MAPRE3: variants seen among roughly 807,000 people sequenced by gnomAD.
MAPRE3 encodes microtubule-associated protein RP/EB family member 3.
In MAPRE3, 2 loss-of-function variants were observed where a neutral mutation model predicts 30.5. That is an observed-to-expected ratio of 0.07 (90% confidence interval 0.03 to 0.21). MAPRE3 has a LOEUF of 0.21. Among genes scored for constraint, MAPRE3 ranks in the 10% least tolerant of loss-of-function variants. MAPRE3 has a pLI of 1.00. For missense variants in MAPRE3, 204 were observed against 351.8 expected (o/e 0.58, Z 3.36); for synonymous variants, 110 against 127.7 (o/e 0.86, Z 0.93).
At chr2:26,974,303 T>C (rs1665973177) in intron 1 of MAPRE3, among the ~76,000 whole-genome samples, 1 of 152,234 alleles carries the variant, frequency 6.6e-6, no homozygotes, top group Admixed American at 6.5e-5. Context: ...CAGGCAAAAT[T>C]TTGTGTCAAA....
intron 1 of MAPRE3, among the ~76,000 whole-genome samples, chr2:26,982,370 A>T (rs961555332): frequency 6.6e-6 from 1 of 152,274 alleles, no homozygotes; most frequent in African/African-American, 2.4e-5. Flanking sequence ...AGTCAGGTGC[A>T]GGAGTCAACC....
At chr2:27,020,777 T>A (rs1667093743) in intron 1 of MAPRE3, among the ~76,000 whole-genome samples, 1 of 151,994 alleles carries the variant, frequency 6.6e-6, no homozygotes. Flanking sequence ...GGACTTGAAG[T>A]GGGGGAGGGC....
At chr2:27,002,002 G>GT (rs1393162670) in intron 1 of MAPRE3, 3 of 152,272 alleles carry the variant, frequency 2.0e-5, no homozygotes, top group Non-Finnish European at 4.4e-5. Context: ...TAGTGGAACA[G>GT]CTCAAGGACG....
rs766587642 is a variant in MAPRE3 at position 27,015,297 on chromosome 2, T to G, written c.-7-6915T>G. On this transcript the variant is annotated intron_variant, in intron 1 of 6. Coordinates refer to ENST00000233121, the MANE Select transcript of MAPRE3 (RefSeq NM_012326.4). The surrounding 1 kb of genome is among the most constrained non-coding windows in gnomAD (Gnocchi z 4.0). The stretch of plus-strand genomic sequence containing the variant: ...CAGCACTGTGTACACATGGCTCACT[T>G]AATCCTCATAACTGTTCTGTGAGGT... Among the ~76,000 whole-genome samples, 10 of 152,360 alleles carry G rather than the reference T, an allele frequency of 6.6e-5. No homozygotes were observed. Among genetic ancestry groups the G allele is most frequent in the Non-Finnish European group, 1.3e-4 (9 of 68,034 alleles).
At chr2:27,014,839 T>G (rs1283067348) in intron 1 of MAPRE3, 1 of 152,298 alleles carries the variant, frequency 6.6e-6, no homozygotes, top group Admixed American at 6.5e-5. Flanking sequence ...TCCAAACAGG[T>G]GACTTCAGCC....
chr2:27,016,862 T>C (rs1346871926), intron 1 of MAPRE3, among the ~76,000 whole-genome samples: 2 of 152,090 alleles, frequency 1.3e-5, no homozygotes, highest in Non-Finnish European at 2.9e-5. Context: ...ACTGTGGTTT[T>C]AGGGGATACG....
In MAPRE3 at chr2:26,973,623, C is replaced by T. The variant is rs1665957571; in HGVS notation, c.-8+2821C>T. On this transcript the variant is annotated intron_variant, in intron 1 of 6. Coordinates refer to ENST00000233121, the MANE Select transcript of MAPRE3 (RefSeq NM_012326.4). Reference sequence around the variant, plus strand: ...ACTGCGGACTGCAGTGGCGCAATCTCGGCTCACTGCAAGCTCCGCTTCCCG... The same window carrying T: ...ACTGCGGACTGCAGTGGCGCAATCTTGGCTCACTGCAAGCTCCGCTTCCCG... 2.6e-5 allele frequency among the ~76,000 whole-genome samples: 4 copies of T among 151,082 alleles called. No homozygotes were observed. The South Asian group carries it at 6.3e-4, about 24-fold the overall frequency.
intron 4 of MAPRE3, among the ~76,000 whole-genome samples, chr2:27,025,249 G>T (rs527279258): frequency 6.6e-6 from 1 of 152,116 alleles, no homozygotes; most frequent in Non-Finnish European, 1.5e-5. Context: ...AGAGGGTCCC[G>T]CACCCTTCCA....
chr2:27,004,586 C>T (rs1478479738), intron 1 of MAPRE3, among the ~76,000 whole-genome samples: 2 of 152,112 alleles, frequency 1.3e-5, no homozygotes, highest in African/African-American at 4.8e-5. Flanking sequence ...TCCTGAGTTA[C>T]AGGCATGCGC....
At chr2:26,979,714 T>C (rs1034248982) in intron 1 of MAPRE3, among the ~76,000 whole-genome samples, 3 of 152,102 alleles carry the variant, frequency 2.0e-5, no homozygotes, top group Non-Finnish European at 4.4e-5. Context: ...AGCAAAGGAA[T>C]GGCCGTGGGA....
intron 1 of MAPRE3, among the ~76,000 whole-genome samples, chr2:27,008,768 T>G (rs1666784451): frequency 1.3e-5 from 2 of 152,186 alleles, no homozygotes; most frequent in African/African-American, 4.8e-5. Flanking sequence ...AGGGTGTATT[T>G]GTAATCACCC....
chr2:26,973,068 C>T (rs982519279), intron 1 of MAPRE3, among the ~76,000 whole-genome samples: 3 of 152,126 alleles, frequency 2.0e-5, no homozygotes, highest in Non-Finnish European at 4.4e-5. Context: ...TAAGACACAC[C>T]AGCAATTTAC....
In MAPRE3 at chr2:27,026,093, G is replaced by A. The variant is rs571445402; in HGVS notation, c.777+61G>A. 86 of 1,593,750 alleles carry A rather than the reference G, an allele frequency of 5.4e-5. 1 individual carries two copies. In the South Asian group the frequency reaches 6.4e-4, roughly 12 times the overall value. On this transcript the variant is annotated intron_variant, in intron 6 of 6. Transcript: ENST00000233121. ...CTGGCCTGGCCCTAAGACCAGAAGC[G>A]CGATAGGGCCAGAAGGGACCGTGGA...
intron 1 of MAPRE3, among the ~76,000 whole-genome samples, chr2:27,021,957 C>T (rs1667118702): frequency 6.6e-6 from 1 of 152,154 alleles, no homozygotes; most frequent in Admixed American, 6.5e-5. Flanking sequence ...AGGGGATCTG[C>T]CTGTCTGTAA....
intron 1 of MAPRE3, among the ~76,000 whole-genome samples, chr2:26,977,764 A>G (rs1666042306): frequency 6.6e-6 from 1 of 152,176 alleles, no homozygotes; most frequent in African/African-American, 2.4e-5. Context: ...CTGGCCGGGC[A>G]GCTGTCCTCT....
chr2:26,971,587 TG>T lies in MAPRE3; in HGVS notation c.-8+786del, dbSNP rs1488843807. On this transcript the variant is annotated intron_variant, in intron 1 of 6. Coordinates refer to ENST00000233121, the MANE Select transcript of MAPRE3 (RefSeq NM_012326.4). ...TTCCTGCGCTTCCGGTGTGGTGTTG[TG>T]AATAAGCATCTTGCGGAACTCTTTA... 2.0e-5 allele frequency among the ~76,000 whole-genome samples: 3 copies of T among 150,554 alleles called. No homozygotes were observed. The East Asian group carries it at 5.8e-4, about 29-fold the overall frequency.
Position 27,026,436 on chromosome 2 carries a change from T to G in MAPRE3, c.*88T>G. The G allele has an allele frequency of 8.5e-7, 1 of 1,179,914 alleles. No individual in the cohort carries two copies. Among genetic ancestry groups the G allele is most frequent in the East Asian group, 2.4e-5 (1 of 41,726 alleles). 73.1% of individuals were successfully genotyped at this position (1,179,914 alleles called of 1,614,324 possible). A position where few individuals can be genotyped will look rare whatever the true frequency, so the allele number is the denominator to read the frequency against. ...ACATTATAGTCCTTTCCTAACACGGTCGGCCGGGTGCTTTGTGTCAGTGCT... is the reference window on the plus strand; with the variant it reads ...ACATTATAGTCCTTTCCTAACACGGGCGGCCGGGTGCTTTGTGTCAGTGCT... On this transcript the variant is annotated 3_prime_UTR_variant, in exon 7 of 7. Transcript: ENST00000233121.
chr2:26,995,829 G>GTGTA (rs1335864863), intron 1 of MAPRE3, among the ~76,000 whole-genome samples: 26 of 147,008 alleles, frequency 1.8e-4, no homozygotes, highest in African/African-American at 6.8e-4. Context: ...GTGTGTGTGT[G>GTGTA]TATGTGTGTG....
intron 1 of MAPRE3, chr2:27,001,945 G>A (rs531931031): frequency 6.6e-6 from 1 of 152,348 alleles, no homozygotes; most frequent in Admixed American, 6.5e-5. Context: ...ACAAATAATG[G>A]GGTATTTTGC....
Sources: allele counts gnomAD v4.1 joint callset (sites outside exome capture counted in the v4.1 genomes callset), GRCh38; gene constraint gnomAD v4.1.1; non-coding constraint Gnocchi (gnomAD v3.1); transcripts MANE v1.5; gene names NCBI Gene and HGNC (gene_info 2026-07-23, HGNC 2026-07-21).